The following NLGN4X variants were observed in gnomAD, a reference collection of about 807,000 sequenced individuals.
The protein encoded by NLGN4X is neuroligin 4 X-linked.
In NLGN4X, 3 loss-of-function variants were observed where a neutral mutation model predicts 40.3. That is an observed-to-expected ratio of 0.07 (90% confidence interval 0.03 to 0.19). The LOEUF is 0.19. Among genes scored for constraint, NLGN4X ranks in the 10% least tolerant of loss-of-function variants. The pLI, the probability that NLGN4X is intolerant of heterozygous loss-of-function variation, is 1.00. For missense variants in NLGN4X, 382 were observed against 708.3 expected (o/e 0.54, Z 5.23); for synonymous variants, 270 against 306.8 (o/e 0.88, Z 1.25).
intron 2 of NLGN4X, among the ~76,000 whole-genome samples, chrX:6,118,713 G>GTAAATCAAGGCTC (rs1478836665): frequency 1.8e-5 from 2 of 111,638 alleles, no homozygotes; most frequent in Admixed American, 1.9e-4. Context: ...TGATAAAAAT[G>GTAAATCAAGGCTC]TAAATCAAGG....
chrX:6,162,043 T>C (rs142576871), intron 1 of NLGN4X, among the ~76,000 whole-genome samples: 259 of 111,935 alleles, frequency 2.3e-3, no homozygotes, highest in African/African-American at 8.1e-3. Flanking sequence ...CAATACTACC[T>C]GTTGCATATG....
intron 3 of NLGN4X, among the ~76,000 whole-genome samples, chrX:5,977,783 TCTC>T (rs1324755435): frequency 2.7e-5 from 3 of 111,386 alleles, no homozygotes; most frequent in Non-Finnish European, 5.6e-5. Flanking sequence ...AGCACGGTCT[TCTC>T]CTCACTGCAT....
At chrX:6,210,196 G>C (rs1161901709) in intron 1 of NLGN4X, among the ~76,000 whole-genome samples, 1 of 110,442 alleles carries the variant, frequency 9.1e-6, no homozygotes, top group East Asian at 2.8e-4. Context: ...GGTTGGCAAA[G>C]AGGAAAAAAT....
intron 4 of NLGN4X, among the ~76,000 whole-genome samples, chrX:5,908,311 C>T (rs1166513365): frequency 9.1e-6 from 1 of 110,380 alleles, no homozygotes; most frequent in Non-Finnish European, 1.9e-5. Context: ...ATGCACCAGA[C>T]GTGTTTCAAT....
intron 2 of NLGN4X, among the ~76,000 whole-genome samples, chrX:6,067,017 G>A (rs755241416): frequency 2.7e-5 from 3 of 111,169 alleles, no homozygotes; most frequent in East Asian, 5.7e-4. Flanking sequence ...GCTGAGGTGA[G>A]AGGGTCACTT....
At chrX:6,208,611 A>C (rs750917096) in intron 1 of NLGN4X, among the ~76,000 whole-genome samples, 11 of 112,187 alleles carry the variant, frequency 9.8e-5, no homozygotes, top group Non-Finnish European at 1.7e-4. Context: ...TTCCCCATGT[A>C]AAACTTGGAA....
At chrX:5,961,778 T>C (rs2034670690) in intron 3 of NLGN4X, among the ~76,000 whole-genome samples, 1 of 112,296 alleles carries the variant, frequency 8.9e-6, no homozygotes, top group South Asian at 3.6e-4. Flanking sequence ...TTTCAAACTT[T>C]AAACATATTT....
chrX:5,937,152 T>C (rs1393215694), intron 3 of NLGN4X, among the ~76,000 whole-genome samples: 1 of 110,225 alleles, frequency 9.1e-6, no homozygotes, highest in African/African-American at 3.3e-5. Flanking sequence ...CACAGCTCAC[T>C]GCAGCCTCAA....
rs114365537 is a variant in NLGN4X at position 6,037,017 on chromosome X, G to T, written c.473-7585C>A. On this transcript the variant is annotated intron_variant, in intron 2 of 5. Coordinates refer to ENST00000381095, the MANE Select transcript of NLGN4X (RefSeq NM_181332.3). ...GAATGTAAGAGAAAAACTTTGTAAA[G>T]AATTTGGAAAATGATATGGGCGCGG... is the stretch of plus-strand genomic sequence containing the variant. Among the ~76,000 whole-genome samples the T allele has an allele frequency of 4.0e-3, 445 of 111,247 alleles. 5 individuals are homozygous for T. The highest frequency in any genetic ancestry group is 0.014 in the African/African-American group (421 of 30,635).
chrX:6,217,605 G>C (rs989584264), intron 1 of NLGN4X, among the ~76,000 whole-genome samples: 13 of 111,534 alleles, frequency 1.2e-4, no homozygotes, highest in African/African-American at 4.2e-4. Flanking sequence ...AACCTAGATT[G>C]TCAGAAGATT....
chrX:6,140,479 C>G (rs200252745), intron 2 of NLGN4X, among the ~76,000 whole-genome samples: 7,806 of 107,587 alleles, frequency 0.073, 212 homozygotes, highest in East Asian at 0.15. Context: ...CACACACACA[C>G]ACACACACAC....
intron 3 of NLGN4X, among the ~76,000 whole-genome samples, chrX:5,939,651 T>G (rs1012146480): frequency 3.6e-5 from 4 of 111,965 alleles, no homozygotes; most frequent in Non-Finnish European, 7.5e-5. Flanking sequence ...TATTAAGCTT[T>G]CCCTTTTCCA....
At chrX:6,064,563 A>T (rs778393921) in intron 2 of NLGN4X, among the ~76,000 whole-genome samples, 4 of 111,608 alleles carry the variant, frequency 3.6e-5, no homozygotes, top group Non-Finnish European at 7.5e-5. Context: ...TAGCTGAGGA[A>T]TCTTTAGCTG....
intron 1 of NLGN4X, among the ~76,000 whole-genome samples, chrX:6,221,471 T>C (rs951837949): frequency 3.7e-4 from 35 of 95,770 alleles, no homozygotes; most frequent in African/African-American, 1.4e-3. Context: ...AGAAAAACAT[T>C]TTCAGCAAAG....
At chrX:6,177,303 C>A (rs1358693587) in intron 1 of NLGN4X, among the ~76,000 whole-genome samples, 2 of 111,139 alleles carry the variant, frequency 1.8e-5, no homozygotes, top group Admixed American at 1.9e-4. Flanking sequence ...GAATTACAGG[C>A]GTGCACCACC....
chrX:6,189,549 G>A (rs1330543451), intron 1 of NLGN4X, among the ~76,000 whole-genome samples: 1 of 111,952 alleles, frequency 8.9e-6, no homozygotes, highest in Non-Finnish European at 1.9e-5. Context: ...AAAGTCCTAG[G>A]TTCAGAAGTT....
At chrX:6,126,776 T>C (rs1000395255) in intron 2 of NLGN4X, among the ~76,000 whole-genome samples, 3 of 112,033 alleles carry the variant, frequency 2.7e-5, no homozygotes, top group Admixed American at 9.5e-5. Context: ...GTTGCAGATT[T>C]TGATACATTG....
chrX:5,937,977 G>C (rs2033788346), intron 3 of NLGN4X, among the ~76,000 whole-genome samples: 1 of 111,723 alleles, frequency 9.0e-6, no homozygotes, highest in African/African-American at 3.3e-5. Context: ...TCTACCCTAC[G>C]GGACTAAGAG....
intron 1 of NLGN4X, among the ~76,000 whole-genome samples, chrX:6,197,000 T>G (rs1024902848): frequency 1.8e-5 from 2 of 111,740 alleles, no homozygotes; most frequent in African/African-American, 6.5e-5. Flanking sequence ...CCACTAACAC[T>G]CTCTGTTCAA....
Sources: allele counts gnomAD v4.1 joint callset (sites outside exome capture counted in the v4.1 genomes callset), GRCh38; gene constraint gnomAD v4.1.1; transcripts MANE v1.5; gene names NCBI Gene and HGNC (gene_info 2026-07-23, HGNC 2026-07-21).